Variants in WWOX observed in about 807,000 individuals in gnomAD.
WWOX encodes WW domain-containing oxidoreductase.
In WWOX, 69 loss-of-function variants were observed where a neutral mutation model predicts 46.2. The ratio of observed to expected loss-of-function variants is 1.49; its 90% CI spans 1.23 to 1.82. WWOX has a LOEUF of 1.82. Ranked by LOEUF, WWOX falls within the 40% of genes most tolerant of loss-of-function variation. The probability of loss-of-function intolerance (pLI) is 0.00; values close to 1 mark genes in which losing one functional copy is unlikely to be tolerated. For synonymous variants in WWOX, 359 were observed against 202.6 expected (o/e 1.77, Z -6.56); for missense variants, 919 against 542.6 (o/e 1.69, Z -6.89).
intron 4 of WWOX, among the ~76,000 whole-genome samples, chr16:78,148,037 G>T (rs551012047): frequency 1.3e-5 from 2 of 152,088 alleles, no homozygotes; most frequent in South Asian, 4.2e-4. Flanking sequence ...GAGTAACGGA[G>T]GCCTCAATGG....
intron 5 of WWOX, among the ~76,000 whole-genome samples, chr16:78,270,820 A>G (rs2079462205): frequency 6.6e-6 from 1 of 152,202 alleles, no homozygotes; most frequent in Admixed American, 6.5e-5. Flanking sequence ...CCCGTTAAAA[A>G]AAACAAAAAT....
chr16:79,179,438 A>T (rs12934392), intron 8 of WWOX, among the ~76,000 whole-genome samples: 76,994 of 152,102 alleles, frequency 0.51, 20,110 homozygotes, highest in East Asian at 0.8. Context: ...ATCCTAACTA[A>T]TGCAGTATGT....
intron 8 of WWOX, among the ~76,000 whole-genome samples, chr16:78,645,898 C>G (rs986841365): frequency 6.6e-6 from 1 of 152,156 alleles, no homozygotes; most frequent in African/African-American, 2.4e-5. Flanking sequence ...TGGAGGCCAC[C>G]TGTGTTCCTT....
intron 8 of WWOX, among the ~76,000 whole-genome samples, chr16:78,667,670 C>CAAAAA (rs35375082): frequency 5.2e-4 from 32 of 61,254 alleles, no homozygotes; most frequent in South Asian, 6.9e-4. Flanking sequence ...GACTCCGTCT[C>CAAAAA]AAAAAAAAAA....
chr16:78,644,222 A>G (rs982476038), intron 8 of WWOX, among the ~76,000 whole-genome samples: 1 of 150,460 alleles, frequency 6.6e-6, no homozygotes, highest in African/African-American at 2.5e-5. Context: ...CTCTGTCTCA[A>G]AAATGAATGA....
At chr16:79,054,871 T>G (rs73570849) in intron 8 of WWOX, among the ~76,000 whole-genome samples, 4,578 of 152,244 alleles carry the variant, frequency 0.03, 222 homozygotes, top group African/African-American at 0.099. Context: ...GAAAATTAAC[T>G]GAAGAAATTG....
At chr16:78,761,154 C>T (rs1420093190) in intron 8 of WWOX, among the ~76,000 whole-genome samples, 1 of 152,150 alleles carries the variant, frequency 6.6e-6, no homozygotes, top group South Asian at 2.1e-4. Context: ...GGGGCTGTTT[C>T]TTGTTGTGTT....
intron 8 of WWOX, among the ~76,000 whole-genome samples, chr16:79,052,360 G>T (rs1394348138): frequency 6.6e-6 from 1 of 152,172 alleles, no homozygotes; most frequent in Non-Finnish European, 1.5e-5. Flanking sequence ...CCCTACAAAG[G>T]ACATGAACTC....
intron 8 of WWOX, among the ~76,000 whole-genome samples, chr16:78,866,254 A>C (rs1459893915): frequency 6.6e-6 from 1 of 152,022 alleles, no homozygotes; most frequent in African/African-American, 2.4e-5. Flanking sequence ...AGTTTCATGA[A>C]TGCCTCGCTG....
chr16:78,805,210 T>G (rs1031899872), intron 8 of WWOX, among the ~76,000 whole-genome samples: 10 of 152,210 alleles, frequency 6.6e-5, no homozygotes, highest in Non-Finnish European at 1.3e-4. Context: ...AGAGACCTGA[T>G]GAGTTCACCA....
intron 8 of WWOX, among the ~76,000 whole-genome samples, chr16:79,163,973 G>A (rs1392099485): frequency 1.3e-5 from 2 of 151,692 alleles, no homozygotes; most frequent in African/African-American, 4.8e-5. Context: ...TCTGCAGGGT[G>A]TCTGTGGGCA....
intron 8 of WWOX, among the ~76,000 whole-genome samples, chr16:79,079,514 C>G (rs762644624): frequency 6.6e-6 from 1 of 152,172 alleles, no homozygotes; most frequent in East Asian, 1.9e-4. Context: ...CTGTTACATT[C>G]TTGAACCATA....
chr16:79,055,326 C>T (rs1452603295), intron 8 of WWOX, among the ~76,000 whole-genome samples: 1 of 152,160 alleles, frequency 6.6e-6, no homozygotes, highest in African/African-American at 2.4e-5. Flanking sequence ...CTACTCATCT[C>T]ATTGAGAGAT....
intron 8 of WWOX, among the ~76,000 whole-genome samples, chr16:78,995,401 G>A (rs1402257201): frequency 1.3e-5 from 2 of 152,102 alleles, no homozygotes; most frequent in East Asian, 3.9e-4. Flanking sequence ...GGAATGGGAA[G>A]ATGAAAAGAA....
At chr16:79,115,038 T>C (rs1364795477) in intron 8 of WWOX, among the ~76,000 whole-genome samples, 2 of 152,222 alleles carry the variant, frequency 1.3e-5, no homozygotes, top group East Asian at 3.9e-4. Flanking sequence ...TGCAAGTTCC[T>C]GCCTGCTCTG....
chr16:78,612,404 C>G (rs548114052), intron 8 of WWOX, among the ~76,000 whole-genome samples: 2 of 152,212 alleles, frequency 1.3e-5, no homozygotes, highest in Non-Finnish European at 2.9e-5. Context: ...TGGCGTAGGC[C>G]TCAGAGTCAG....
intron 8 of WWOX, among the ~76,000 whole-genome samples, chr16:78,843,595 GAAATAA>G (rs770497963): frequency 3.0e-5 from 4 of 134,606 alleles, no homozygotes; most frequent in Non-Finnish European, 6.9e-5. Flanking sequence ...TGTAAAGGAG[GAAATAA>G]AAATAAAAAA....
intron 8 of WWOX, among the ~76,000 whole-genome samples, chr16:79,010,182 G>A (rs980658392): frequency 6.6e-6 from 1 of 152,136 alleles, no homozygotes; most frequent in African/African-American, 2.4e-5. Flanking sequence ...TATTTACAAG[G>A]CTGGCTTCCC....
At chr16:78,518,766 A>C in intron 8 of WWOX, among the ~76,000 whole-genome samples, 1 of 152,136 alleles carries the variant, frequency 6.6e-6, no homozygotes, top group East Asian at 1.9e-4. Context: ...CCAGCTTCCT[A>C]GGAGGTGTCT....
Sources: allele counts gnomAD v4.1 joint callset (sites outside exome capture counted in the v4.1 genomes callset), GRCh38; gene constraint gnomAD v4.1.1; transcripts MANE v1.5; gene names NCBI Gene and HGNC (gene_info 2026-07-23, HGNC 2026-07-21).